Variants in GRM8 observed in about 807,000 individuals in gnomAD.
The protein encoded by GRM8 is glutamate metabotropic receptor 8.
A neutral mutation model predicts 87.2 loss-of-function variants in GRM8; 47 were observed. The ratio of observed to expected loss-of-function variants is 0.54; its 90% CI spans 0.43 to 0.69. The LOEUF (loss-of-function observed/expected upper bound fraction) is 0.69, where lower values mean the gene tolerates loss of function less well. Among genes scored for constraint, GRM8 ranks in the 30% least tolerant of loss-of-function variants. The probability of loss-of-function intolerance (pLI) is 0.00; values close to 1 mark genes in which losing one functional copy is unlikely to be tolerated. For synonymous variants in GRM8, 396 were observed against 404.5 expected, an observed-to-expected ratio of 0.98 and a Z score of 0.25; for missense variants, 1,019 against 1,139.2, an observed-to-expected ratio of 0.89 and a Z score of 1.52.
At chr7:126,708,804 AATACTT>A in intron 7 of GRM8, among the ~76,000 whole-genome samples, 1 of 152,090 alleles carries the variant, frequency 6.6e-6, no homozygotes, top group Non-Finnish European at 1.5e-5. Context: ...CAGGGGCTGG[AATACTT>A]GGGAAACGAA....
At chr7:126,545,470 T>C (rs1294336032) in intron 8 of GRM8, among the ~76,000 whole-genome samples, 1 of 152,202 alleles carries the variant, frequency 6.6e-6, no homozygotes, top group African/African-American at 2.4e-5. Context: ...GATGGCCAAA[T>C]TTAGAGTTTC....
At chr7:127,238,869 A>G (rs981054665) in intron 2 of GRM8, among the ~76,000 whole-genome samples, 1 of 152,256 alleles carries the variant, frequency 6.6e-6, no homozygotes, top group Admixed American at 6.5e-5. Flanking sequence ...TGTTGGGGCT[A>G]AATGAACCTC....
chr7:126,660,722 C>T (rs923638070), intron 7 of GRM8, among the ~76,000 whole-genome samples: 9 of 151,942 alleles, frequency 5.9e-5, no homozygotes, highest in African/African-American at 2.2e-4. Context: ...CAGAAAATAC[C>T]CCTGACTAAT....
chr7:126,982,826 G>GT (rs927893914), intron 3 of GRM8, among the ~76,000 whole-genome samples: 23 of 152,058 alleles, frequency 1.5e-4, no homozygotes, highest in African/African-American at 2.2e-4. Flanking sequence ...GCAGGTCATG[G>GT]TTTTTTTCCT....
At chr7:127,207,644 T>C (rs746583343) in intron 2 of GRM8, among the ~76,000 whole-genome samples, 1 of 151,984 alleles carries the variant, frequency 6.6e-6, no homozygotes. Context: ...GCTGAACAAA[T>C]CCCCTCTTGG....
intron 3 of GRM8, among the ~76,000 whole-genome samples, chr7:126,937,778 C>T (rs1462673023): frequency 6.6e-6 from 1 of 152,176 alleles, no homozygotes; most frequent in African/African-American, 2.4e-5. Context: ...TCCTTTAGTG[C>T]CGGGGTCACT....
Position 126,762,771 on chromosome 7 carries a change from T to C in GRM8, c.1357+7094A>G, listed in dbSNP as rs143456267. Among the ~76,000 whole-genome samples, 748 of 152,032 alleles carry C rather than the reference T, an allele frequency of 4.9e-3. 7 individuals carry two copies. The highest frequency in any genetic ancestry group is 0.037 in the South Asian group (179 of 4,826). Reference sequence around the variant, plus strand: ...GTTTTTTTCAATGAATTACTGTAAATATAATTACTGTTAATAATTTTCTTA... The same window carrying C: ...GTTTTTTTCAATGAATTACTGTAAACATAATTACTGTTAATAATTTTCTTA... On this transcript the variant is annotated intron_variant, in intron 7 of 10. Transcript: ENST00000339582.
chr7:127,091,180 C>T (rs1436589642), intron 3 of GRM8, among the ~76,000 whole-genome samples: 2 of 152,032 alleles, frequency 1.3e-5, no homozygotes, highest in Non-Finnish European at 2.9e-5. Flanking sequence ...TCTACTTGGC[C>T]CCAAGCCTGA....
At chr7:126,908,759 C>T (rs1476665730) in intron 3 of GRM8, among the ~76,000 whole-genome samples, 1 of 152,108 alleles carries the variant, frequency 6.6e-6, no homozygotes, top group Non-Finnish European at 1.5e-5. Flanking sequence ...GCTATTCCCA[C>T]ACCTCACCTC....
intron 2 of GRM8, among the ~76,000 whole-genome samples, chr7:127,169,086 A>G (rs1446174516): frequency 2.6e-5 from 4 of 152,120 alleles, no homozygotes; most frequent in African/African-American, 9.6e-5. Flanking sequence ...CAGGAAAAAA[A>G]AAAGCTAGAA....
intron 3 of GRM8, among the ~76,000 whole-genome samples, chr7:127,032,528 T>G (rs957028622): frequency 6.6e-6 from 1 of 152,148 alleles, no homozygotes; most frequent in Admixed American, 6.6e-5. Flanking sequence ...AATGCTCTGC[T>G]CCTTATAGAA....
intron 2 of GRM8, among the ~76,000 whole-genome samples, chr7:127,224,994 T>A (rs1172563679): frequency 6.6e-6 from 1 of 152,214 alleles, no homozygotes; most frequent in East Asian, 1.9e-4. Flanking sequence ...TATGTCTACA[T>A]GTTTAAAAAG....
At chr7:127,024,809 A>G (rs754301824) in intron 3 of GRM8, among the ~76,000 whole-genome samples, 5 of 151,984 alleles carry the variant, frequency 3.3e-5, no homozygotes, top group Non-Finnish European at 5.9e-5. Flanking sequence ...TCATGCAGAC[A>G]TCAGCTCCAA....
chr7:127,040,980 T>C (rs747386819), intron 3 of GRM8, among the ~76,000 whole-genome samples: 3 of 152,238 alleles, frequency 2.0e-5, no homozygotes, highest in Non-Finnish European at 2.9e-5. Context: ...ATATGTAGCA[T>C]AGTGGTTGAT....
chr7:127,186,581 C>A (rs1794748905), intron 2 of GRM8, among the ~76,000 whole-genome samples: 1 of 152,134 alleles, frequency 6.6e-6, no homozygotes. Context: ...TCTTGCACCA[C>A]CCCTCATTAG....
intron 7 of GRM8, among the ~76,000 whole-genome samples, chr7:126,618,007 C>T (rs1303825824): frequency 4.6e-5 from 7 of 152,100 alleles, no homozygotes; most frequent in Admixed American, 1.3e-4. Flanking sequence ...ACTTTCTTCA[C>T]AGAATTGGAA....
At chr7:126,787,492 A>G (rs1645008549) in intron 6 of GRM8, among the ~76,000 whole-genome samples, 2 of 152,204 alleles carry the variant, frequency 1.3e-5, no homozygotes, top group African/African-American at 2.4e-5. Flanking sequence ...GTATTACTCT[A>G]TTAATGAAAA....
intron 2 of GRM8, among the ~76,000 whole-genome samples, chr7:127,150,914 G>A (rs1460953223): frequency 6.6e-6 from 1 of 152,076 alleles, no homozygotes; most frequent in Non-Finnish European, 1.5e-5. Context: ...AAACAAGATT[G>A]CTATCATGGT....
intron 3 of GRM8, among the ~76,000 whole-genome samples, chr7:127,029,954 C>T (rs1444502611): frequency 6.6e-6 from 1 of 152,096 alleles, no homozygotes; most frequent in Non-Finnish European, 1.5e-5. Flanking sequence ...ACACAACCTA[C>T]CCCATTATCA....
Sources: gnomAD v4.1 joint callset for allele counts (sites outside exome capture counted in the v4.1 genomes callset) on GRCh38, gnomAD v4.1.1 for gene constraint, MANE v1.5 for transcripts, NCBI Gene and HGNC (gene_info 2026-07-23, HGNC 2026-07-21) for gene names.